NR1I3: variants seen among roughly 807,000 people sequenced by gnomAD.
The protein encoded by NR1I3 is nuclear receptor subfamily 1 group I member 3, also known as constitutive activator of retinoid response.
A neutral mutation model predicts 38.4 loss-of-function variants in NR1I3; 30 were observed. That is an observed-to-expected ratio of 0.78 (90% confidence interval 0.58 to 1.06). NR1I3 has a LOEUF of 1.06. Among genes scored for constraint, NR1I3 ranks in the 50% least tolerant of loss-of-function variants. The pLI is 0.00. For synonymous variants in NR1I3, 143 were observed against 165.1 expected (o/e 0.87, Z 1.03); for missense variants, 388 against 435.7 (o/e 0.89, Z 0.97).
chr1:161,233,885 G>GTA (rs1667965934), intron 3 of NR1I3, among the ~76,000 whole-genome samples: 1 of 115,616 alleles, frequency 8.6e-6, no homozygotes, highest in Admixed American at 8.2e-5. Context: ...GTGTGTGTGT[G>GTA]TGTATATGTG....
intron 5 of NR1I3, 53 bp from the exon 6 acceptor site, chr1:161,231,527 G>C: frequency 6.5e-7 from 1 of 1,545,576 alleles, no homozygotes; most frequent in Non-Finnish European, 8.7e-7. Flanking sequence ...TTCTGAGACA[G>C]AGTCTCACTG....
In NR1I3 at chr1:161,232,882, A is replaced by C. The variant is rs1282568890; in HGVS notation, c.473T>G (p.Val158Gly). 3 of 1,614,200 alleles carry C rather than the reference A, an allele frequency of 1.9e-6. No individual in the cohort carries two copies. Among genetic ancestry groups the C allele is most frequent in the Non-Finnish European group, 2.5e-6 (3 of 1,180,008 alleles). Residue 158 changes from valine to glycine, a missense_variant, in exon 5 of 9, where the codon GTC becomes GGC. Transcript: ENST00000367983. ...AGTGTTGATGTCTGCGAAGTGTGTG[A>C]CCAGAGGCAGCACAGGGGCCAGGGT... Reference protein sequence around the residue: ...LPTLAPVLPLVTHFADINTFM... With the variant: ...LPTLAPVLPLGTHFADINTFM...
Position 161,235,561 on chromosome 1 carries a change from C to G in NR1I3, c.238+286G>C, listed in dbSNP as rs1387077150. The G allele has an allele frequency of 1.3e-5, 4 of 318,344 alleles. No homozygotes were observed. In the East Asian group the frequency reaches 4.3e-4, roughly 34 times the overall value. 19.7% of individuals were successfully genotyped at this position (318,344 alleles called of 1,614,324 possible). A position where few individuals can be genotyped will look rare whatever the true frequency, so the allele number is the denominator to read the frequency against. Reference sequence around the variant, plus strand: ...GGGATTACAGGCGTGAGCCACCGCGCCCGGCCTGGTGTTTCTAAGAATGAC... The same window carrying G: ...GGGATTACAGGCGTGAGCCACCGCGGCCGGCCTGGTGTTTCTAAGAATGAC... On this transcript the variant is annotated intron_variant, in intron 3 of 8. Transcript: ENST00000367983.
chr1:161,231,466 G>C lies in NR1I3; in HGVS notation c.557C>G (p.Pro186Arg). The C allele has an allele frequency of 6.3e-7, 1 of 1,576,886 alleles. No homozygotes were observed. The highest frequency in any genetic ancestry group is 8.5e-7 in the Non-Finnish European group (1 of 1,171,108). The change falls in exon 6 of 9, where the codon CCC becomes CGC. Residue 186 changes from proline to arginine, a missense_variant. Pro to Arg is a moderately radical substitution (Grantham distance 103). Coordinates refer to ENST00000367983, the MANE Select transcript of NR1I3 (RefSeq NM_005122.5). ...GAGAAGGGAGATCTGGTCTTCAATG[G>C]GCAGGGAACTGTGGAAAGCAGGAAA... is the stretch of plus-strand genomic sequence containing the variant. ...TKDLPVFRSLPIEDQISLLKG... is the reference protein window; with the variant it reads ...TKDLPVFRSLRIEDQISLLKG...
chr1:161,236,581 G>T lies in NR1I3; in HGVS notation c.-16C>A. 6.2e-7 allele frequency: 1 copy of T among 1,613,790 alleles called. No individual in the cohort carries two copies. The highest frequency in any genetic ancestry group is 1.3e-5 in the African/African-American group (1 of 74,998). On this transcript the variant is annotated 5_prime_UTR_variant, in exon 2 of 9. Transcript: ENST00000367983. ...TACTGGCCATGACGTCACGTGTTGG[G>T]GTGGCTGTCACAGACTCCTGAATGT...
At chr1:161,236,688 A>C in intron 1 of NR1I3, 90 bp from the exon 2 acceptor site, 2 of 1,323,230 alleles carry the variant, frequency 1.5e-6, no homozygotes, top group Non-Finnish European at 2.0e-6. Flanking sequence ...ACCAAACCAA[A>C]CATGCCCTTG....
intron 3 of NR1I3, among the ~76,000 whole-genome samples, chr1:161,234,026 C>G (rs942285068): frequency 1.3e-5 from 2 of 151,786 alleles, no homozygotes; most frequent in Non-Finnish European, 2.9e-5. Flanking sequence ...GTCTGTCACT[C>G]TGTCGCCCAG....
rs1174272959 is a variant in NR1I3 at position 161,236,345 on chromosome 1, C to T, written c.107+114G>A. On this transcript the variant is annotated intron_variant, in intron 2 of 8. Transcript: ENST00000367983. ...ATGCCAGCCACAGGGTAGTTAGACT[C>T]TAAGATAAAGGAGTAATGTAGCTGG... The T allele has an allele frequency of 3.1e-6, 4 of 1,308,880 alleles. No individual in the cohort carries two copies. In the Admixed American group the frequency reaches 6.5e-5, roughly 21 times the overall value. 81.1% of individuals were successfully genotyped at this position (1,308,880 alleles called of 1,614,324 possible). A position where few individuals can be genotyped will look rare whatever the true frequency, so the allele number is the denominator to read the frequency against.
At chr1:161,230,098 G>C (rs1292298715) in intron 8 of NR1I3, 172 bp from the exon 9 acceptor site, 2 of 722,310 alleles carry the variant, frequency 2.8e-6, no homozygotes, top group African/African-American at 3.6e-5. Context: ...AGGTCCTCCA[G>C]GGGGCCTCGG....
chr1:161,229,690 A>G lies in NR1I3; in HGVS notation c.*107T>C, dbSNP rs773748252. On this transcript the variant is annotated 3_prime_UTR_variant, in exon 9 of 9. Coordinates refer to ENST00000367983, the MANE Select transcript of NR1I3 (RefSeq NM_005122.5). ...GTTATTGCTTTAGTCTTTCATTGCAACCACTGGGCTCCCTTTGAACCCGGC... is the reference window on the plus strand; with the variant it reads ...GTTATTGCTTTAGTCTTTCATTGCAGCCACTGGGCTCCCTTTGAACCCGGC... 43 of 1,614,078 alleles carry G rather than the reference A, an allele frequency of 2.7e-5. No individual in the cohort carries two copies. Among genetic ancestry groups the G allele is most frequent in the Middle Eastern group, 3.3e-4 (2 of 6,026 alleles).
At chr1:161,234,719 A>T (rs1370690830) in intron 3 of NR1I3, among the ~76,000 whole-genome samples, 1 of 152,176 alleles carries the variant, frequency 6.6e-6, no homozygotes, top group Non-Finnish European at 1.5e-5. Context: ...ACAAGTTTTT[A>T]GTTGAATTAA....
chr1:161,230,099 G>A (rs549094253), intron 8 of NR1I3, 173 bp from the exon 9 acceptor site: 14 of 723,290 alleles, frequency 1.9e-5, no homozygotes, highest in Non-Finnish European at 2.2e-5. Context: ...GGTCCTCCAG[G>A]GGGCCTCGGT....
intron 1 of NR1I3, among the ~76,000 whole-genome samples, chr1:161,237,494 C>G (rs1474397898): frequency 6.6e-6 from 1 of 151,634 alleles, no homozygotes; most frequent in East Asian, 2.0e-4. Flanking sequence ...CCGAGGTGGG[C>G]GGATCACCAG....
chr1:161,229,715 C>A lies in NR1I3; in HGVS notation c.*82G>T. On this transcript the variant is annotated 3_prime_UTR_variant, in exon 9 of 9. Transcript: ENST00000367983. ...ACCACTGGGCTCCCTTTGAACCCGG[C>A]CCAATCTTTGGTCCCAGCATTTTCC... 1 of 1,614,228 alleles carries A rather than the reference C, an allele frequency of 6.2e-7. No homozygotes were observed.
intron 8 of NR1I3, chr1:161,230,336 C>G (rs1440865894): frequency 3.3e-6 from 1 of 304,492 alleles, no homozygotes; most frequent in African/African-American, 2.2e-5. Context: ...CGGTGCATAC[C>G]TCAGAGCCTG....
At chr1:161,232,715 G>A (rs1035174014) in intron 5 of NR1I3, 92 bp downstream of exon 5, 14 of 1,254,312 alleles carry the variant, frequency 1.1e-5, no homozygotes, top group Non-Finnish European at 1.5e-5. Context: ...AAAGGCTGAC[G>A]CATGTGATAA....
rs757343915 is a variant in NR1I3 at position 161,238,009 on chromosome 1, A to G, written c.-34+32T>C. 5 of 1,587,510 alleles carry G rather than the reference A, an allele frequency of 3.1e-6. No homozygotes were observed. In the African/African-American group the frequency reaches 4.0e-5, roughly 13 times the overall value. ...CCCAGCATTATCTGTATTTTATTACATTTAGTCTTTGGTCCCCAACAGATT... is the reference window on the plus strand; with the variant it reads ...CCCAGCATTATCTGTATTTTATTACGTTTAGTCTTTGGTCCCCAACAGATT... On this transcript the variant is annotated intron_variant, in intron 1 of 8. Transcript: ENST00000367983.
rs111966689 is a variant in NR1I3, at chr1:161,235,780, A to G, written c.238+67T>C. On this transcript the variant is annotated intron_variant, in intron 3 of 8. Coordinates refer to ENST00000367983, the MANE Select transcript of NR1I3 (RefSeq NM_005122.5). Reference sequence around the variant, plus strand: ...ACTGTGCCTGCTATGTAGAGAATGCACTGTTGGGAACAAGGACAAAGACAG... The same window carrying G: ...ACTGTGCCTGCTATGTAGAGAATGCGCTGTTGGGAACAAGGACAAAGACAG... 1.3e-5 allele frequency: 21 copies of G among 1,603,008 alleles called. No homozygotes were observed. The African/African-American group carries it at 1.3e-4, about 10-fold the overall frequency.
intron 1 of NR1I3, 112 bp downstream of exon 1, chr1:161,237,929 C>A (rs768274843): frequency 9.9e-5 from 102 of 1,033,838 alleles, no homozygotes; most frequent in Non-Finnish European, 1.4e-4. Context: ...AGCGATCCCC[C>A]CACCTTGGCC....
Sources: gnomAD v4.1 joint callset for allele counts (sites outside exome capture counted in the v4.1 genomes callset) on GRCh38, gnomAD v4.1.1 for gene constraint, MANE v1.5 for transcripts, NCBI Gene and HGNC (gene_info 2026-07-23, HGNC 2026-07-21) for gene names.